Variants in KCNIP4 observed in about 807,000 individuals in gnomAD.
The protein encoded by KCNIP4 is potassium voltage-gated channel interacting protein 4.
KCNIP4 carries 12 observed loss-of-function variants against 34.0 expected under a neutral mutation model. The ratio of observed to expected loss-of-function variants is 0.35; its 90% CI spans 0.23 to 0.57. The LOEUF (loss-of-function observed/expected upper bound fraction) is 0.57. KCNIP4 is among the 20% of genes least tolerant of loss of function. The probability of loss-of-function intolerance (pLI) is 0.83; values close to 1 mark genes in which losing one functional copy is unlikely to be tolerated. For missense variants in KCNIP4, 238 were observed against 311.7 expected (o/e 0.76, Z 1.78); for synonymous variants, 124 against 102.2 (o/e 1.21, Z -1.29).
chr4:20,863,423 A>T (rs1231399247), intron 2 of KCNIP4, among the ~76,000 whole-genome samples: 1 of 152,140 alleles, frequency 6.6e-6, no homozygotes, highest in South Asian at 2.1e-4. Context: ...GGTTTACAAT[A>T]GTGATGTGAT....
intron 1 of KCNIP4, among the ~76,000 whole-genome samples, chr4:21,075,021 G>T: frequency 6.6e-6 from 1 of 152,130 alleles, no homozygotes; most frequent in Non-Finnish European, 1.5e-5. Context: ...TACAATTTCT[G>T]TTCTTTTACA....
intron 1 of KCNIP4, among the ~76,000 whole-genome samples, chr4:21,370,013 G>C (rs1720176988): frequency 1.4e-5 from 2 of 146,584 alleles, no homozygotes; most frequent in Non-Finnish European, 2.9e-5. Context: ...ATTTTTATTA[G>C]AGACGGGGTT....
chr4:21,442,485 G>A (rs1371890610), intron 1 of KCNIP4, among the ~76,000 whole-genome samples: 1 of 152,156 alleles, frequency 6.6e-6, no homozygotes, highest in Non-Finnish European at 1.5e-5. Context: ...CTGTTAGCTA[G>A]GTTGATAATG....
chr4:21,066,633 C>T (rs1053873770), intron 1 of KCNIP4, among the ~76,000 whole-genome samples: 3 of 152,072 alleles, frequency 2.0e-5, no homozygotes, highest in African/African-American at 7.2e-5. Flanking sequence ...TCAGTGCTGT[C>T]CTGTCACAGT....
chr4:20,869,566 G>C (rs1286535880), intron 2 of KCNIP4, among the ~76,000 whole-genome samples: 1 of 152,054 alleles, frequency 6.6e-6, no homozygotes, highest in African/African-American at 2.4e-5. Flanking sequence ...AAATTATTCA[G>C]TTCCTCTGAG....
chr4:20,972,996 A>G (rs1735126924), intron 1 of KCNIP4, among the ~76,000 whole-genome samples: 1 of 152,230 alleles, frequency 6.6e-6, no homozygotes, highest in Non-Finnish European at 1.5e-5. Context: ...CTTGAGATGG[A>G]ATCGAATCCT....
chr4:20,785,960 A>C (rs1384338972), intron 3 of KCNIP4, among the ~76,000 whole-genome samples: 1 of 152,146 alleles, frequency 6.6e-6, no homozygotes, highest in African/African-American at 2.4e-5. Flanking sequence ...ATATACCCAG[A>C]GGAAAATAAA....
intron 1 of KCNIP4, among the ~76,000 whole-genome samples, chr4:21,899,797 C>A (rs1413883402): frequency 1.3e-5 from 2 of 151,972 alleles, no homozygotes. Flanking sequence ...AGAGGACACA[C>A]AAAAATAGAA....
At chr4:21,775,343 T>C (rs556472358) in intron 1 of KCNIP4, among the ~76,000 whole-genome samples, 1 of 152,294 alleles carries the variant, frequency 6.6e-6, no homozygotes, top group African/African-American at 2.4e-5. Flanking sequence ...TGCTCCTTCT[T>C]CTGGGACCTC....
chr4:21,346,367 G>C (rs970856717), intron 1 of KCNIP4, among the ~76,000 whole-genome samples: 1 of 138,762 alleles, frequency 7.2e-6, no homozygotes, highest in Non-Finnish European at 1.5e-5. Flanking sequence ...CAAGAATAAA[G>C]AGCCTTTTTT....
chr4:20,747,815 G>A (rs1752688197), intron 5 of KCNIP4, among the ~76,000 whole-genome samples: 1 of 152,076 alleles, frequency 6.6e-6, no homozygotes, highest in Admixed American at 6.6e-5. Flanking sequence ...TCCTGCCCCT[G>A]TGGTGACTGG....
At chr4:21,547,840 A>T (rs1738261821) in intron 1 of KCNIP4, among the ~76,000 whole-genome samples, 1 of 151,830 alleles carries the variant, frequency 6.6e-6, no homozygotes, top group South Asian at 2.1e-4. Flanking sequence ...TTTATGTTTC[A>T]TATATACCTT....
intron 1 of KCNIP4, among the ~76,000 whole-genome samples, chr4:21,645,626 G>T (rs1216057548): frequency 1.3e-5 from 2 of 152,088 alleles, no homozygotes; most frequent in African/African-American, 4.8e-5. Context: ...TCTTGTGTGG[G>T]ACAGTTCCCA....
intron 1 of KCNIP4, among the ~76,000 whole-genome samples, chr4:21,125,012 C>T (rs938770465): frequency 1.3e-5 from 2 of 151,142 alleles, no homozygotes; most frequent in Non-Finnish European, 2.9e-5. Flanking sequence ...CACTTGGAGA[C>T]AGTGGCTTCA....
chr4:21,859,784 T>A (rs1206644705), intron 1 of KCNIP4, among the ~76,000 whole-genome samples: 1 of 152,102 alleles, frequency 6.6e-6, no homozygotes, highest in Non-Finnish European at 1.5e-5. Context: ...ATCCCAGCAC[T>A]TTGGGAAGCT....
At chr4:20,822,858 C>G (rs925105778) in intron 3 of KCNIP4, among the ~76,000 whole-genome samples, 7 of 152,036 alleles carry the variant, frequency 4.6e-5, no homozygotes, top group African/African-American at 1.4e-4. Context: ...AGTGGTCCAC[C>G]CTCAGGAATA....
intron 5 of KCNIP4, among the ~76,000 whole-genome samples, chr4:20,741,239 A>C (rs1751008776): frequency 6.6e-6 from 1 of 152,130 alleles, no homozygotes. Context: ...CATCTACAGA[A>C]CTCTCCACCC....
intron 1 of KCNIP4, among the ~76,000 whole-genome samples, chr4:21,707,244 G>A (rs1293449508): frequency 6.6e-6 from 1 of 152,158 alleles, no homozygotes; most frequent in African/African-American, 2.4e-5. Flanking sequence ...TAGATATGAG[G>A]ATTCTGTATC....
At chr4:20,818,732 G>T (rs577911347) in intron 3 of KCNIP4, among the ~76,000 whole-genome samples, 74 of 152,104 alleles carry the variant, frequency 4.9e-4, no homozygotes, top group African/African-American at 1.7e-3. Flanking sequence ...TAAACCTAAT[G>T]TACTATAGAT....
Sources: gnomAD v4.1 joint callset for allele counts (sites outside exome capture counted in the v4.1 genomes callset) on GRCh38, gnomAD v4.1.1 for gene constraint, MANE v1.5 for transcripts, NCBI Gene and HGNC (gene_info 2026-07-23, HGNC 2026-07-21) for gene names.